SYTL1: variants seen among roughly 807,000 people sequenced by gnomAD.
SYTL1 encodes the protein synaptotagmin like 1, also known as synaptotagmin-like protein 1.
SYTL1 carries 53 observed loss-of-function variants against 74.6 expected under a neutral mutation model. The observed-to-expected ratio is 0.71, with a 90% CI of 0.57 to 0.89. The LOEUF (loss-of-function observed/expected upper bound fraction) is 0.89, where lower values mean the gene tolerates loss of function less well. SYTL1 is among the 40% of genes least tolerant of loss of function. The pLI is 0.00. For synonymous variants in SYTL1, 329 were observed against 324.9 expected (o/e 1.01, Z -0.14); for missense variants, 728 against 768.7 (o/e 0.95, Z 0.63).
In SYTL1 at chr1:27,349,426, T is replaced by G. The variant is rs550703240; in HGVS notation, c.561T>G (p.Cys187Trp). 41 of 1,453,406 alleles carry G rather than the reference T, an allele frequency of 2.8e-5. No homozygotes were observed. Among genetic ancestry groups the G allele is most frequent in the African/African-American group, 2.4e-4 (17 of 69,582 alleles). 90.0% of individuals were successfully genotyped at this position (1,453,406 alleles called of 1,614,324 possible). A position where few individuals can be genotyped will look rare whatever the true frequency, so the allele number is the denominator to read the frequency against. The change falls in exon 7 of 15, where the codon TGT becomes TGG. Residue 187 changes from cysteine to tryptophan, a missense_variant. Transcript: ENST00000616558. The part of the protein sequence containing the change: ...EDPGQGDQQV[C>W]AEEADPELEP... ...CTGGCCAAGGAGACCAACAGGTCTG[T>G]GCCGAGGAGGCTGACCCGGAGCTGG...
chr1:27,350,620 G>A lies in SYTL1; in HGVS notation c.1005+135G>A. 9.4e-7 allele frequency: 1 copy of A among 1,058,650 alleles called. No individual in the cohort carries two copies. The highest frequency in any genetic ancestry group is 1.4e-6 in the Non-Finnish European group (1 of 725,236). 65.6% of individuals were successfully genotyped at this position (1,058,650 alleles called of 1,614,324 possible). A position where few individuals can be genotyped will look rare whatever the true frequency, so the allele number is the denominator to read the frequency against. On this transcript the variant is annotated intron_variant, in intron 10 of 14. Transcript: ENST00000616558. The surrounding 1 kb of genome is among the most constrained non-coding windows in gnomAD (Gnocchi z 6.3). ...AGGGGGCCCATTAACTCGTTATCCA[G>A]TGTTGTCAGCCTCGTGGTGGGCGTG...
At position 27,353,433 on chromosome 1, in the gene SYTL1, C is replaced by G. The variant is rs778063542; in HGVS notation, c.1494C>G (p.Asp498Glu). ...CTTGTGCCGAGCTCTCCCTCTGGGA[C>G]CATGGGGCCCTGGCCAACCGCCAGC... The part of the protein sequence containing the change: ...RQACAELSLW[D>E]HGALANRQLG... The change falls in exon 14 of 15, where the codon GAC (aspartate) becomes GAG (glutamate). Residue 498 changes from aspartate to glutamate, a missense_variant. Asp to Glu is a conservative substitution (Grantham distance 45). Transcript: ENST00000616558. 2 of 1,610,368 alleles carry G rather than the reference C, an allele frequency of 1.2e-6. No individual in the cohort carries two copies. The highest frequency in any genetic ancestry group is 2.2e-5 in the South Asian group (2 of 90,166).
At chr1:27,353,620 G>A (rs2015378660) in intron 14 of SYTL1, 93 bp from the exon 15 acceptor site, 2 of 1,560,312 alleles carry the variant, frequency 1.3e-6, no homozygotes, top group East Asian at 2.3e-5. Context: ...GTGGTAACGG[G>A]GGACAGTGCA....
intron 6 of SYTL1, 75 bp downstream of exon 6, chr1:27,349,227 C>T: frequency 6.5e-7 from 1 of 1,540,968 alleles, no homozygotes; most frequent in East Asian, 2.3e-5. Context: ...CCCCAACCAC[C>T]TGTGTTCACC....
chr1:27,343,589 T>C lies in SYTL1; in HGVS notation c.-39+1439T>C, dbSNP rs2014869139. 6.6e-6 allele frequency among the ~76,000 whole-genome samples: 1 copy of C among 150,496 alleles called. No individual in the cohort carries two copies. Among genetic ancestry groups the C allele is most frequent in the African/African-American group, 2.4e-5 (1 of 40,876 alleles). On this transcript the variant is annotated intron_variant, in intron 1 of 14. Transcript: ENST00000616558. This position sits in a 1 kb window ranked among gnomAD's most constrained non-coding sequence, Gnocchi z 5.2. ...TTCCTGGTGCGGGGGAGTGAGCAGA[T>C]GTGTGTGTGTGTACGTGTGTGTGTG...
rs369769952 is a variant in SYTL1 at position 27,353,415 on chromosome 1, C to T, written c.1476C>T (p.Ala492=). The change falls in exon 14 of 15, where the codon GCC becomes GCT. Residue 492 remains alanine, a synonymous_variant. Transcript: ENST00000616558. The part of the protein sequence containing the change: ...FGPADLRQAC[A]ELSLWDHGAL... The stretch of plus-strand genomic sequence containing the variant: ...CTGCTGACCTGCGCCAGGCTTGTGC[C>T]GAGCTCTCCCTCTGGGACCATGGGG... 2.5e-4 allele frequency: 409 copies of T among 1,610,902 alleles called. No individual in the cohort carries two copies. The highest frequency in any genetic ancestry group is 3.3e-4 in the Non-Finnish European group (384 of 1,179,118).
chr1:27,349,052 T>A (rs1346541924), intron 5 of SYTL1, 28 bp from the exon 6 acceptor site: 10 of 1,578,574 alleles, frequency 6.3e-6, no homozygotes, highest in Non-Finnish European at 8.7e-6. Context: ...GCCCCCGTAC[T>A]GTGACCTCTA....
In SYTL1 at chr1:27,349,125, C is replaced by T. The variant is rs765565072; in HGVS notation, c.505C>T (p.Pro169Ser). ...TTCTGTCCCCCTAAAGGCTTCAGATCCTGAGGAGGCGTCCCAGGCCCAGGA... is the reference window on the plus strand; with the variant it reads ...TTCTGTCCCCCTAAAGGCTTCAGATTCTGAGGAGGCGTCCCAGGCCCAGGA... ...SPSVPLKASDPEEASQAQEDP... is the reference protein window; with the variant it reads ...SPSVPLKASDSEEASQAQEDP... Residue 169 changes from proline to serine, a missense_variant, in exon 6 of 15, where the codon CCT (proline) becomes TCT (serine). Transcript: ENST00000616558. 2.5e-6 allele frequency: 4 copies of T among 1,613,966 alleles called. No homozygotes were observed. The highest frequency in any genetic ancestry group is 1.3e-5 in the African/African-American group (1 of 74,930).
At chr1:27,353,516 C>T in intron 14 of SYTL1, 28 bp downstream of exon 14, 1 of 1,577,620 alleles carries the variant, frequency 6.3e-7, no homozygotes, top group Non-Finnish European at 8.6e-7. Flanking sequence ...CTGAGACAGG[C>T]CCTGGGACAG....
intron 13 of SYTL1, chr1:27,353,051 G>A: frequency 3.6e-6 from 2 of 550,564 alleles, no homozygotes; most frequent in Non-Finnish European, 6.6e-6. Context: ...CTCCCAAAGT[G>A]CTGGGATTAC....
rs1176826762 is a variant in SYTL1, at chr1:27,342,547, C to G, written c.-39+397C>G. On this transcript the variant is annotated intron_variant, in intron 1 of 14. Transcript: ENST00000616558. The surrounding 1 kb of genome is among the most constrained non-coding windows in gnomAD (Gnocchi z 4.7). The stretch of plus-strand genomic sequence containing the variant: ...CTCAGACACACACACCTGGTGGCCC[C>G]CAAGGCACCAGGGGACACCCCACAG... Among the ~76,000 whole-genome samples the G allele has an allele frequency of 6.6e-6, 1 of 152,178 alleles. No homozygotes were observed. The highest frequency in any genetic ancestry group is 1.5e-5 in the Non-Finnish European group (1 of 68,026).
intron 2 of SYTL1, among the ~76,000 whole-genome samples, chr1:27,346,526 G>A (rs2015010860): frequency 6.6e-6 from 1 of 152,170 alleles, no homozygotes; most frequent in Admixed American, 6.6e-5. Context: ...ACTTTGAGAG[G>A]CTGAGACGGG....
Position 27,351,007 on chromosome 1 carries a change from C to T in SYTL1, c.1164+55C>T, listed in dbSNP as rs2148036913. On this transcript the variant is annotated intron_variant, in intron 11 of 14. Transcript: ENST00000616558. This position sits in a 1 kb window ranked among gnomAD's most constrained non-coding sequence, Gnocchi z 5.0. ...TGCGGCCCGGGTCTCCTGCATTTAC[C>T]CCACCAGGCTCTCCCGCAGCCCCCT... is the stretch of plus-strand genomic sequence containing the variant. 6.3e-7 allele frequency: 1 copy of T among 1,594,516 alleles called. No homozygotes were observed.
In SYTL1 at chr1:27,351,458, G is replaced by T. The variant is rs747091675; in HGVS notation, c.1246G>T (p.Ala416Ser). Residue 416 changes from alanine (A) to serine (S), a missense_variant and splice_region_variant, in exon 13 of 15, where the codon GCA (alanine) becomes TCA (serine). Ala to Ser is a moderately conservative substitution (Grantham distance 99, BLOSUM62 1). Transcript: ENST00000616558. This position sits in a 1 kb window ranked among gnomAD's most constrained non-coding sequence, Gnocchi z 5.0. ...LKYVPAGSEG[A>S]GLPPSGELHF... ...GCCTGAGCCGAGCCTCTCCGCAGGC[G>T]CAGGACTGCCCCCGAGCGGGGAGCT... 2 of 1,535,558 alleles carry T rather than the reference G, an allele frequency of 1.3e-6. No individual in the cohort carries two copies. Among genetic ancestry groups the T allele is most frequent in the Admixed American group, 4.1e-5 (2 of 48,954 alleles).
intron 13 of SYTL1, chr1:27,352,889 G>A (rs2015334483): frequency 1.3e-5 from 3 of 231,988 alleles, no homozygotes; most frequent in South Asian, 5.3e-5. Context: ...GGGCTCCAAC[G>A]ATTCTCCTGC....
rs1190059560 is a variant in SYTL1 at position 27,348,046 on chromosome 1, C to T, written c.459+34C>T. The T allele has an allele frequency of 2.5e-6, 4 of 1,608,426 alleles. No homozygotes were observed. The highest frequency in any genetic ancestry group is 3.4e-6 in the Non-Finnish European group (4 of 1,174,940). ...ATGAGCCAACATGTGAGTACAGTGT[C>T]CCTGGAGGGGAGGTGGAATGTGCAG... On this transcript the variant is annotated intron_variant, in intron 5 of 14. Transcript: ENST00000616558. The surrounding 1 kb of genome is among the most constrained non-coding windows in gnomAD (Gnocchi z 4.1).
chr1:27,353,245 GA>G, intron 13 of SYTL1, 37 bp from the exon 14 acceptor site: 2 of 1,553,452 alleles, frequency 1.3e-6, no homozygotes, highest in South Asian at 2.4e-5. Context: ...TAGGGAGTGT[GA>G]GGGGGGTCAC....
In SYTL1 at chr1:27,350,396, A is replaced by T. The variant is rs753117601; in HGVS notation, c.916A>T (p.Lys306Ter). Residue 306 changes from lysine (K) to a stop codon, truncating the protein, a stop_gained, in exon 10 of 15, where the codon AAA becomes TAA. Coordinates refer to ENST00000616558, the MANE Select transcript of SYTL1 (RefSeq NM_001193308.2). LOFTEE classifies it high-confidence loss of function. This position sits in a 1 kb window ranked among gnomAD's most constrained non-coding sequence, Gnocchi z 6.3. ...ARRRRSDPYVKSYLLPDKQSK... is the reference protein window; with the variant it reads ...ARRRRSDPYV ...GGGTTCTCACCTCCCCAGCTACGTC[A>T]AAAGCTACCTCCTCCCGGATAAGCA... 1 of 1,614,106 alleles carries T rather than the reference A, an allele frequency of 6.2e-7. No individual in the cohort carries two copies. The highest frequency in any genetic ancestry group is 1.1e-5 in the South Asian group (1 of 91,088).
intron 2 of SYTL1, among the ~76,000 whole-genome samples, chr1:27,346,591 C>T (rs554936016): frequency 1.8e-4 from 27 of 152,088 alleles, no homozygotes; most frequent in African/African-American, 5.8e-4. Flanking sequence ...AGTGAGACCC[C>T]ATTCCTACAA....
Sources: allele counts gnomAD v4.1 joint callset (sites outside exome capture counted in the v4.1 genomes callset), GRCh38; gene constraint gnomAD v4.1.1; non-coding constraint Gnocchi (gnomAD v3.1); transcripts MANE v1.5; gene names NCBI Gene and HGNC (gene_info 2026-07-23, HGNC 2026-07-21).